Variants in GSTCD observed in about 807,000 individuals in gnomAD.
The protein encoded by GSTCD is glutathione S-transferase C-terminal domain-containing protein.
Under a neutral mutation model 68.3 loss-of-function variants are expected in GSTCD, and 44 were observed. The ratio of observed to expected loss-of-function variants is 0.64; its 90% CI spans 0.51 to 0.83. The LOEUF (loss-of-function observed/expected upper bound fraction) is 0.83. Among genes scored for constraint, GSTCD ranks in the 40% least tolerant of loss-of-function variants. The pLI is 0.00. For missense variants in GSTCD, 739 were observed against 735.9 expected, an observed-to-expected ratio of 1.00 and a Z score of -0.05; for synonymous variants, 273 against 255.2, an observed-to-expected ratio of 1.07 and a Z score of -0.67.
At chr4:105,792,559 T>C (rs1735719321) in intron 5 of GSTCD, among the ~76,000 whole-genome samples, 1 of 151,974 alleles carries the variant, frequency 6.6e-6, no homozygotes, top group Non-Finnish European at 1.5e-5. Flanking sequence ...TATTAAAAAA[T>C]ACTAGAGCCG....
rs914281141 is a variant in GSTCD, at chr4:105,735,452, G to A, written c.1240+5953G>A. On this transcript the variant is annotated intron_variant, in intron 5 of 11. Transcript: ENST00000515279. ...CTGTGCTAGCAATGAGCAAGGCTCC[G>A]TTGGCGTGGGACCATCTGAGCCAGG... is the stretch of plus-strand genomic sequence containing the variant. 1.1e-4 allele frequency among the ~76,000 whole-genome samples: 16 copies of A among 152,194 alleles called. 1 individual carries two copies. The highest frequency in any genetic ancestry group is 9.8e-4 in the Admixed American group (15 of 15,286).
intron 5 of GSTCD, among the ~76,000 whole-genome samples, chr4:105,814,095 C>A (rs750095971): frequency 6.6e-6 from 1 of 152,112 alleles, no homozygotes; most frequent in Admixed American, 6.6e-5. Context: ...GGAAAAAATG[C>A]CTTCCCCTGC....
chr4:105,777,882 T>C (rs1013781869), intron 5 of GSTCD, among the ~76,000 whole-genome samples: 1 of 152,140 alleles, frequency 6.6e-6, no homozygotes, highest in South Asian at 2.1e-4. Flanking sequence ...TTTAATTATA[T>C]ATTAACAATC....
chr4:105,837,095 G>T (rs1443055492), intron 9 of GSTCD, among the ~76,000 whole-genome samples: 1 of 152,154 alleles, frequency 6.6e-6, no homozygotes, highest in Non-Finnish European at 1.5e-5. Context: ...TATTAATCAT[G>T]CCTTTTTAAA....
intron 5 of GSTCD, among the ~76,000 whole-genome samples, chr4:105,753,964 A>T (rs1377957264): frequency 6.8e-6 from 1 of 147,730 alleles, no homozygotes; most frequent in Non-Finnish European, 1.5e-5. Context: ...AACTTTCAAG[A>T]TTTTTTTTTT....
intron 1 of GSTCD, chr4:105,709,239 T>TA: frequency 6.6e-6 from 1 of 152,358 alleles, no homozygotes; most frequent in South Asian, 2.1e-4. Context: ...TTCTCGGTAG[T>TA]ACGCGTTTCC....
rs114367865 is a variant in GSTCD at position 105,821,706 on chromosome 4, G to A, written c.1241-1248G>A. On this transcript the variant is annotated intron_variant, in intron 5 of 11. Transcript: ENST00000515279. ...TTAAAATATATAGATAGGAAGCAAC[G>A]CATTGACATGGAAAGATATTTACAA... 5.0e-3 allele frequency among the ~76,000 whole-genome samples: 754 copies of A among 151,822 alleles called. 2 individuals are homozygous for A. Among genetic ancestry groups the A allele is most frequent in the Middle Eastern group, 6.8e-3 (2 of 294 alleles).
rs1460924873 is a variant in GSTCD, at chr4:105,717,787, A to G, written c.174A>G (p.Arg58=). Residue 58 remains arginine, a synonymous_variant, in exon 2 of 12, where the codon AGA becomes AGG. Coordinates refer to ENST00000515279, the MANE Select transcript of GSTCD (RefSeq NM_001370181.1). The part of the protein sequence containing the change: ...ICLVVTKEVS[R]DSSLLRDDLI... Reference sequence around the variant, plus strand: ...TAGTTGTCACCAAAGAGGTGAGTAGAGATAGTTCACTACTAAGAGATGACC... The same window carrying G: ...TAGTTGTCACCAAAGAGGTGAGTAGGGATAGTTCACTACTAAGAGATGACC... 5 of 1,612,768 alleles carry G rather than the reference A, an allele frequency of 3.1e-6. No homozygotes were observed. The highest frequency in any genetic ancestry group is 2.7e-5 in the African/African-American group (2 of 74,902).
intron 5 of GSTCD, among the ~76,000 whole-genome samples, chr4:105,807,541 T>C (rs1310448304): frequency 1.3e-5 from 2 of 152,208 alleles, no homozygotes; most frequent in East Asian, 3.9e-4. Flanking sequence ...CTTTAACATT[T>C]TGAAAAAGAA....
rs780609618 is a variant in GSTCD at position 105,719,469 on chromosome 4, A to C, written c.836A>C (p.Glu279Ala). Residue 279 changes from glutamate to alanine, a missense_variant, in exon 3 of 12, where the codon GAA (glutamate) becomes GCA (alanine). Coordinates refer to ENST00000515279, the MANE Select transcript of GSTCD (RefSeq NM_001370181.1). ...DLPPLEHVFA[E>A]GLYFTLADIV... ...CCACCTCTGGAGCATGTGTTTGCAG[A>C]AGGGCTTTACTTCACTCTGGCAGAT... 1 of 1,614,068 alleles carries C rather than the reference A, an allele frequency of 6.2e-7. No homozygotes were observed. Among genetic ancestry groups the C allele is most frequent in the Admixed American group, 1.7e-5 (1 of 59,988 alleles).
At position 105,834,553 on chromosome 4, in the gene GSTCD, T is replaced by C. The variant is rs1049410075; in HGVS notation, c.1623T>C (p.Tyr541=). ...RASFVTCPCC[Y]GFIQNTSKFN... ...CCTTCGTCACATGCCCTTGCTGTTATGGTTTCATTCAGAACACCTCAAAGT... is the reference window on the plus strand; with the variant it reads ...CCTTCGTCACATGCCCTTGCTGTTACGGTTTCATTCAGAACACCTCAAAGT... The change falls in exon 9 of 12, where the codon TAT becomes TAC. Residue 541 remains tyrosine (Y), a synonymous_variant. Coordinates refer to ENST00000515279, the MANE Select transcript of GSTCD (RefSeq NM_001370181.1). The C allele has an allele frequency of 5.6e-6, 9 of 1,614,150 alleles. No individual in the cohort carries two copies. The highest frequency in any genetic ancestry group is 6.8e-6 in the Non-Finnish European group (8 of 1,179,996).
At chr4:105,731,424 T>A (rs1270210244) in intron 5 of GSTCD, among the ~76,000 whole-genome samples, 2 of 152,228 alleles carry the variant, frequency 1.3e-5, no homozygotes, top group African/African-American at 2.4e-5. Context: ...GAGTTTGTAG[T>A]TCTCCTTGAA....
At chr4:105,727,232 A>G (rs894014253) in intron 4 of GSTCD, among the ~76,000 whole-genome samples, 9 of 151,980 alleles carry the variant, frequency 5.9e-5, no homozygotes, top group African/African-American at 2.2e-4. Context: ...CAAGTTAAAT[A>G]TAAAGATAAG....
intron 5 of GSTCD, among the ~76,000 whole-genome samples, chr4:105,821,555 C>T (rs1478889581): frequency 6.6e-6 from 1 of 151,854 alleles, no homozygotes; most frequent in Non-Finnish European, 1.5e-5. Flanking sequence ...AATTTACATT[C>T]ATCCATGCTA....
intron 5 of GSTCD, among the ~76,000 whole-genome samples, chr4:105,799,087 T>G (rs1736008645): frequency 6.6e-6 from 1 of 152,354 alleles, no homozygotes; most frequent in East Asian, 1.9e-4. Flanking sequence ...ATCTCCTTTA[T>G]TAAACCTGAT....
chr4:105,734,676 A>C (rs1733391932), intron 5 of GSTCD, among the ~76,000 whole-genome samples: 1 of 152,194 alleles, frequency 6.6e-6, no homozygotes, highest in African/African-American at 2.4e-5. Flanking sequence ...TTCTTCTTTC[A>C]ACTCGTCAAA....
chr4:105,741,323 G>A (rs775974077), intron 5 of GSTCD, among the ~76,000 whole-genome samples: 3 of 152,038 alleles, frequency 2.0e-5, no homozygotes, highest in Non-Finnish European at 4.4e-5. Flanking sequence ...TTTATTAATT[G>A]TATACAAAGA....
chr4:105,724,903 C>T (rs1165718749), intron 3 of GSTCD, among the ~76,000 whole-genome samples: 1 of 151,928 alleles, frequency 6.6e-6, no homozygotes, highest in Non-Finnish European at 1.5e-5. Flanking sequence ...AATTAACTCT[C>T]TATATGCAGT....
intron 8 of GSTCD, among the ~76,000 whole-genome samples, chr4:105,829,241 A>G (rs893306741): frequency 2.6e-5 from 4 of 151,784 alleles, no homozygotes; most frequent in Non-Finnish European, 5.9e-5. Flanking sequence ...TGATCACCCA[A>G]TCACTGGTGA....
Sources: allele counts gnomAD v4.1 joint callset (sites outside exome capture counted in the v4.1 genomes callset), GRCh38; gene constraint gnomAD v4.1.1; transcripts MANE v1.5; gene names NCBI Gene and HGNC (gene_info 2026-07-23, HGNC 2026-07-21).